The following COL11A1 variants were observed in gnomAD, a reference collection of about 807,000 sequenced individuals.
COL11A1 encodes the protein collagen alpha-1(XI) chain.
COL11A1 carries 74 observed loss-of-function variants against 265.2 expected under a neutral mutation model. That is an observed-to-expected ratio of 0.28 (90% confidence interval 0.23 to 0.34). The LOEUF is 0.34. Ranked by LOEUF, COL11A1 falls within the 10% of genes least tolerant of loss-of-function variation. COL11A1 has a pLI of 1.00. For missense variants in COL11A1, 2,165 were observed against 2,263.6 expected (o/e 0.96, Z 0.88); for synonymous variants, 816 against 727.6 (o/e 1.12, Z -1.96).
At chr1:102,918,976 T>A (rs557777225) in intron 49 of COL11A1, among the ~76,000 whole-genome samples, 1 of 151,976 alleles carries the variant, frequency 6.6e-6, no homozygotes, top group African/African-American at 2.4e-5. Context: ...CCCACAACAA[T>A]TGAGTCAGCA....
At chr1:102,950,897 A>G (rs749196054) in intron 41 of COL11A1, among the ~76,000 whole-genome samples, 13 of 152,132 alleles carry the variant, frequency 8.5e-5, no homozygotes, top group Non-Finnish European at 1.3e-4. Context: ...TCTCCTGACA[A>G]TGAGTGAGTT....
intron 1 of COL11A1, among the ~76,000 whole-genome samples, chr1:103,092,263 A>G (rs1214135218): frequency 6.6e-6 from 1 of 152,150 alleles, no homozygotes; most frequent in African/African-American, 2.4e-5. Context: ...CATAAATTTA[A>G]AACACATTTT....
chr1:102,979,343 A>T, intron 32 of COL11A1, 39 bp downstream of exon 32: 1 of 1,481,812 alleles, frequency 6.7e-7, no homozygotes, highest in Non-Finnish European at 9.4e-7. Flanking sequence ...AGCTAAGAAC[A>T]CTTATATACA....
chr1:103,084,610 A>C (rs980917139), intron 1 of COL11A1, among the ~76,000 whole-genome samples: 10 of 145,072 alleles, frequency 6.9e-5, no homozygotes, highest in Middle Eastern at 3.6e-3. Flanking sequence ...AAAAAAAAAA[A>C]CACTTTATCT....
At chr1:102,920,515 T>C (rs1297579510) in intron 48 of COL11A1, 151 bp from the exon 49 acceptor site, 3 of 670,880 alleles carry the variant, frequency 4.5e-6, no homozygotes, top group African/African-American at 1.8e-5. Context: ...CTTAATAGAA[T>C]TGTCAAATGT....
At chr1:103,082,324 C>T (rs1672479710) in intron 2 of COL11A1, among the ~76,000 whole-genome samples, 1 of 151,890 alleles carries the variant, frequency 6.6e-6, no homozygotes, top group African/African-American at 2.4e-5. Flanking sequence ...TCTCTTTCAA[C>T]AGAAACATTT....
intron 57 of COL11A1, among the ~76,000 whole-genome samples, chr1:102,897,443 AAT>A (rs71094581): frequency 6.7e-6 from 1 of 150,334 alleles, no homozygotes; most frequent in African/African-American, 2.4e-5. Context: ...AAGAAAAAAA[AAT>A]ATATATATAT....
chr1:102,939,948 G>A (rs899215415), intron 43 of COL11A1, among the ~76,000 whole-genome samples: 1 of 152,110 alleles, frequency 6.6e-6, no homozygotes, highest in African/African-American at 2.4e-5. Context: ...AAGTAAATAT[G>A]TAGCTCATTC....
intron 46 of COL11A1, among the ~76,000 whole-genome samples, chr1:102,933,847 G>C (rs1657835096): frequency 6.6e-6 from 1 of 152,080 alleles, no homozygotes. Context: ...GGAGTGACCC[G>C]ATTTTCCAGG....
At chr1:102,889,787 T>C (rs1437274294) in intron 58 of COL11A1, among the ~76,000 whole-genome samples, 1 of 152,152 alleles carries the variant, frequency 6.6e-6, no homozygotes, top group Non-Finnish European at 1.5e-5. Context: ...TATTAAGCAT[T>C]GGAAATATTA....
chr1:103,008,410 T>TGTATCAAAG lies in COL11A1; in HGVS notation c.1683+52_1683+53insCTTTGATAC, dbSNP rs1218892302. On this transcript the variant is annotated intron_variant, in intron 15 of 66. Transcript: ENST00000370096. The stretch of plus-strand genomic sequence containing the variant: ...TATTGATGCATTCTCGAAGGAATTA[T>TGTATCAAAG]GCTGTATCAAAGAAGCCAGTCAAGA... The TGTATCAAAG allele has an allele frequency of 2.5e-5, 35 of 1,428,122 alleles. 1 individual carries two copies. The Admixed American group carries it at 5.2e-4, about 21-fold the overall frequency. The allele number at this position is 1,428,122 out of a possible 1,614,324, so 88.5% of individuals were successfully genotyped here. A position where few individuals can be genotyped will look rare whatever the true frequency, so the allele number is the denominator to read the frequency against.
Position 102,988,912 on chromosome 1 carries a change from A to G in COL11A1, c.2394+606T>C, listed in dbSNP as rs191991849. ...TGCAGACTTCATTTGAATTTTAGGAAAAGAAATATTTTCTATAGAATGCTT... is the reference window on the plus strand; with the variant it reads ...TGCAGACTTCATTTGAATTTTAGGAGAAGAAATATTTTCTATAGAATGCTT... On this transcript the variant is annotated intron_variant, in intron 29 of 66. Transcript: ENST00000370096. Among the ~76,000 whole-genome samples the G allele has an allele frequency of 5.0e-4, 76 of 152,240 alleles. 1 individual carries two copies. Among genetic ancestry groups the G allele is most frequent in the African/African-American group, 1.8e-3 (75 of 41,566 alleles).
At chr1:102,906,522 C>T (rs1006129443) in intron 54 of COL11A1, among the ~76,000 whole-genome samples, 1 of 152,112 alleles carries the variant, frequency 6.6e-6, no homozygotes, top group Non-Finnish European at 1.5e-5. Context: ...ATCCTCCCAC[C>T]TCAGCCTCCC....
intron 20 of COL11A1, among the ~76,000 whole-genome samples, chr1:103,004,093 T>C (rs994000856): frequency 1.3e-5 from 2 of 152,120 alleles, no homozygotes; most frequent in African/African-American, 2.4e-5. Flanking sequence ...GACATATTAT[T>C]TTTTTTCTTC....
intron 4 of COL11A1, among the ~76,000 whole-genome samples, chr1:103,047,327 C>T (rs1484050376): frequency 6.6e-6 from 1 of 152,102 alleles, no homozygotes. Flanking sequence ...CTTCACATCC[C>T]TTGTAAGTTG....
At position 102,978,738 on chromosome 1, in the gene COL11A1, G is replaced by A. The variant is rs201972285; in HGVS notation, c.2724C>T (p.Gly908=). 1.9e-5 allele frequency: 31 copies of A among 1,613,952 alleles called. No individual in the cohort carries two copies. The highest frequency in any genetic ancestry group is 3.3e-4 in the Middle Eastern group (2 of 6,082). Residue 908 remains glycine (G), a synonymous_variant, in exon 35 of 67, where the codon GGC becomes GGT. Coordinates refer to ENST00000370096, the MANE Select transcript of COL11A1 (RefSeq NM_001854.4). ...CACCTGGAGGGCCAGGAGGGCCATC[G>A]CCACCTGAAGTGCCCTGGCACCAAG... ...GKPGPKGTSG[G]DGPPGPPGER...
intron 36 of COL11A1, among the ~76,000 whole-genome samples, chr1:102,974,501 G>T (rs188999624): frequency 3.8e-4 from 58 of 152,132 alleles, no homozygotes; most frequent in African/African-American, 1.3e-3. Flanking sequence ...AGATAAATTC[G>T]AATATACCAA....
Position 102,886,845 on chromosome 1 carries a change from C to T in COL11A1, c.4820G>A (p.Cys1607Tyr). The T allele has an allele frequency of 6.2e-7, 1 of 1,613,912 alleles. No individual in the cohort carries two copies. ...MGTQTNPART[C>Y]KDLQLSHPDF... ...AGGATGGCTGAGTTGCAGGTCTTTA[C>T]AAGTTCGGGCTGGATTGGTCTGAGT... Residue 1607 changes from cysteine (C) to tyrosine (Y), a missense_variant, in exon 63 of 67, where the codon TGT (cysteine) becomes TAT (tyrosine). Cys to Tyr is a radical substitution (Grantham distance 194). Transcript: ENST00000370096.
chr1:102,903,138 G>A (rs78968459), intron 54 of COL11A1, among the ~76,000 whole-genome samples: 13,465 of 151,892 alleles, frequency 0.089, 695 homozygotes, highest in Middle Eastern at 0.13. Context: ...TTTAGTATTA[G>A]AAGTCCATGG....
Sources: gnomAD v4.1 joint callset for allele counts (sites outside exome capture counted in the v4.1 genomes callset) on GRCh38, gnomAD v4.1.1 for gene constraint, MANE v1.5 for transcripts, NCBI Gene and HGNC (gene_info 2026-07-23, HGNC 2026-07-21) for gene names.